Variants in LYPD6B observed in about 807,000 individuals in gnomAD.
LYPD6B encodes ly6/PLAUR domain-containing protein 6B.
A neutral mutation model predicts 22.8 loss-of-function variants in LYPD6B; 17 were observed. That is an observed-to-expected ratio of 0.75 (90% CI 0.51 to 1.12). LYPD6B has a LOEUF of 1.12. LYPD6B is among the 50% of genes most tolerant of loss of function. The pLI, the probability that LYPD6B is intolerant of heterozygous loss-of-function variation, is 0.00. For missense variants in LYPD6B, 221 were observed against 258.3 expected (o/e 0.86, Z 0.99); for synonymous variants, 106 against 91.6 (o/e 1.16, Z -0.90).
rs539485358 is a variant in LYPD6B at position 149,116,620 on chromosome 2, T to C, written c.-66-14263T>C. Among the ~76,000 whole-genome samples the C allele has an allele frequency of 1.6e-3, 251 of 152,254 alleles. 1 individual carries two copies. Among genetic ancestry groups the C allele is most frequent in the African/African-American group, 5.7e-3 (238 of 41,524 alleles). The stretch of plus-strand genomic sequence containing the variant: ...CCAAGAATCTCTCGTGTCCTGGAAG[T>C]AACCTGAAGGAAGGAACTGTATTAG... On this transcript the variant is annotated intron_variant, in intron 1 of 6. Transcript: ENST00000409642.
chr2:149,061,577 G>A (rs1684084260), intron 1 of LYPD6B, among the ~76,000 whole-genome samples: 1 of 152,062 alleles, frequency 6.6e-6, no homozygotes, highest in Non-Finnish European at 1.5e-5. Flanking sequence ...AGTATTTATT[G>A]GTGTGCAACT....
At chr2:149,048,789 C>G (rs1480158739) in intron 1 of LYPD6B, among the ~76,000 whole-genome samples, 1 of 152,114 alleles carries the variant, frequency 6.6e-6, no homozygotes, top group African/African-American at 2.4e-5. Context: ...CAAGCTCTTT[C>G]TTTTGGTGAT....
intron 5 of LYPD6B, among the ~76,000 whole-genome samples, chr2:149,209,093 T>C (rs1559080995): frequency 2.6e-5 from 4 of 152,262 alleles, no homozygotes; most frequent in African/African-American, 7.2e-5. Flanking sequence ...TAGTGGGAGA[T>C]GGAGGAAGGA....
At chr2:149,131,069 T>C (rs553532528) in intron 2 of LYPD6B, 116 bp downstream of exon 2, 124 of 738,514 alleles carry the variant, frequency 1.7e-4, no homozygotes, top group Middle Eastern at 1.4e-3. Flanking sequence ...TGATCTGGAG[T>C]TTCATTAATC....
chr2:149,110,266 C>T (rs1337973393), intron 1 of LYPD6B, among the ~76,000 whole-genome samples: 1 of 151,768 alleles, frequency 6.6e-6, no homozygotes, highest in Non-Finnish European at 1.5e-5. Flanking sequence ...AGTTTCAATG[C>T]CTTTGTCTGA....
chr2:149,047,340 T>C (rs1380789829), intron 1 of LYPD6B, among the ~76,000 whole-genome samples: 2 of 152,150 alleles, frequency 1.3e-5, no homozygotes, highest in African/African-American at 4.8e-5. Context: ...GTTTTTACGC[T>C]TGATCTTAGC....
intron 1 of LYPD6B, among the ~76,000 whole-genome samples, chr2:149,074,210 G>A (rs1217791352): frequency 2.0e-5 from 3 of 151,968 alleles, no homozygotes; most frequent in East Asian, 1.9e-4. Context: ...TCAAAGGGTC[G>A]ACCACAGGGC....
At chr2:149,213,155 C>T in intron 6 of LYPD6B, 33 bp downstream of exon 6, 1 of 1,610,872 alleles carries the variant, frequency 6.2e-7, no homozygotes. Context: ...ATTGTCTAAA[C>T]TTTCATCCTA....
intron 3 of LYPD6B, among the ~76,000 whole-genome samples, chr2:149,186,680 C>G (rs1692129047): frequency 6.6e-6 from 1 of 152,210 alleles, no homozygotes; most frequent in Non-Finnish European, 1.5e-5. Flanking sequence ...TCATGGCTCA[C>G]AGCAGCCTCA....
At chr2:149,183,860 T>C (rs929076529) in intron 3 of LYPD6B, among the ~76,000 whole-genome samples, 4 of 141,098 alleles carry the variant, frequency 2.8e-5, no homozygotes, top group Admixed American at 2.2e-4. Context: ...TGTGTGTGTG[T>C]GTGTATATAT....
chr2:149,101,574 C>G (rs1282717378), intron 1 of LYPD6B: 1 of 152,476 alleles, frequency 6.6e-6, no homozygotes, highest in Non-Finnish European at 1.5e-5. Flanking sequence ...CATGTGCTGT[C>G]TGGCAGAAGG....
intron 2 of LYPD6B, among the ~76,000 whole-genome samples, chr2:149,140,594 C>G (rs1170733064): frequency 6.6e-6 from 1 of 152,224 alleles, no homozygotes; most frequent in Non-Finnish European, 1.5e-5. Context: ...CCCTCCCACA[C>G]TCTTAGATTC....
intron 3 of LYPD6B, chr2:149,187,637 C>A: frequency 3.1e-6 from 3 of 952,646 alleles, no homozygotes; most frequent in East Asian, 3.2e-5. Context: ...GTAACTTAAG[C>A]AGGCTTGTCC....
chr2:149,143,038 A>T (rs1050827192), intron 2 of LYPD6B, among the ~76,000 whole-genome samples: 1 of 152,188 alleles, frequency 6.6e-6, no homozygotes. Context: ...AGTTTGGCAC[A>T]TTTTTTACAA....
chr2:149,186,239 T>A (rs764081023), intron 3 of LYPD6B, among the ~76,000 whole-genome samples: 7 of 152,188 alleles, frequency 4.6e-5, no homozygotes, highest in Non-Finnish European at 1.0e-4. Context: ...AAATTAAAAG[T>A]GCTACTCCAG....
chr2:149,112,183 G>A (rs1268616169), intron 1 of LYPD6B, among the ~76,000 whole-genome samples: 1 of 152,196 alleles, frequency 6.6e-6, no homozygotes, highest in Non-Finnish European at 1.5e-5. Context: ...GGAGATGCAT[G>A]TCTGACAGAC....
At chr2:149,181,452 C>A (rs908523588) in intron 3 of LYPD6B, among the ~76,000 whole-genome samples, 3 of 152,146 alleles carry the variant, frequency 2.0e-5, no homozygotes, top group African/African-American at 7.2e-5. Flanking sequence ...GGATACCCAC[C>A]TTAATATCTC....
intron 2 of LYPD6B, among the ~76,000 whole-genome samples, chr2:149,144,976 G>A (rs753888237): frequency 3.9e-5 from 6 of 152,092 alleles, no homozygotes; most frequent in South Asian, 2.1e-4. Flanking sequence ...TGAAATCTAC[G>A]GATGGGGCTT....
At chr2:149,183,193 A>C (rs1289504086) in intron 3 of LYPD6B, among the ~76,000 whole-genome samples, 1 of 152,220 alleles carries the variant, frequency 6.6e-6, no homozygotes, top group Non-Finnish European at 1.5e-5. Context: ...TTCTGGAAGA[A>C]GTAAACTTTG....
Sources: allele counts gnomAD v4.1 joint callset (sites outside exome capture counted in the v4.1 genomes callset), GRCh38; gene constraint gnomAD v4.1.1; transcripts MANE v1.5; gene names NCBI Gene and HGNC (gene_info 2026-07-23, HGNC 2026-07-21).